Variants in ANO6 observed in about 807,000 individuals in gnomAD.
ANO6 encodes the protein anoctamin 6.
Under a neutral mutation model 117.5 loss-of-function variants are expected in ANO6, and 106 were observed. The ratio of observed to expected loss-of-function variants is 0.90; its 90% CI spans 0.77 to 1.06. The LOEUF is 1.06. Among genes scored for constraint, ANO6 ranks in the 50% least tolerant of loss-of-function variants. The pLI is 0.00. For synonymous variants in ANO6, 367 were observed against 385.1 expected, an observed-to-expected ratio of 0.95 and a Z score of 0.55; for missense variants, 955 against 1,121.1, an observed-to-expected ratio of 0.85 and a Z score of 2.12.
intron 1 of ANO6, among the ~76,000 whole-genome samples, chr12:45,242,074 C>CA (rs1041067065): frequency 2.0e-5 from 3 of 152,208 alleles, no homozygotes; most frequent in Non-Finnish European, 2.9e-5. Context: ...GCTCAGACAC[C>CA]ATGCTGGGAG....
intron 9 of ANO6, among the ~76,000 whole-genome samples, chr12:45,369,404 C>A (rs556981320): frequency 6.6e-6 from 1 of 152,078 alleles, no homozygotes; most frequent in Non-Finnish European, 1.5e-5. Flanking sequence ...GAAGTTCTCT[C>A]GACACTCCCC....
At chr12:45,392,688 C>G (rs1010856555) in intron 12 of ANO6, among the ~76,000 whole-genome samples, 4 of 152,192 alleles carry the variant, frequency 2.6e-5, no homozygotes, top group Admixed American at 6.5e-5. Context: ...GTTCTGCAGC[C>G]TCCGCTGGTG....
At chr12:45,233,156 G>C (rs573656046) in intron 1 of ANO6, among the ~76,000 whole-genome samples, 2 of 152,298 alleles carry the variant, frequency 1.3e-5, no homozygotes, top group South Asian at 4.1e-4. Flanking sequence ...AACCAAGCAC[G>C]TAGGGCATGA....
At position 45,357,308 on chromosome 12, in the gene ANO6, G is replaced by A. The variant is rs775771097; in HGVS notation, c.882G>A (p.Lys294=). 6.2e-7 allele frequency: 1 copy of A among 1,613,914 alleles called. No homozygotes were observed. The highest frequency in any genetic ancestry group is 1.7e-5 in the Admixed American group (1 of 60,032). The part of the protein sequence containing the change: ...LDLIRKYYGE[K]IGIYFAWLGY... ...TCTTCAGGAAATACTATGGAGAGAA[G>A]ATTGGAATCTACTTTGCTTGGCTGG... is the stretch of plus-strand genomic sequence containing the variant. The change falls in exon 8 of 20, where the codon AAG becomes AAA. Residue 294 remains lysine, a synonymous_variant. Transcript: ENST00000320560.
chr12:45,266,700 G>A (rs1020765054), intron 1 of ANO6, among the ~76,000 whole-genome samples: 1 of 152,140 alleles, frequency 6.6e-6, no homozygotes, highest in African/African-American at 2.4e-5. Context: ...GAAAGGCTGA[G>A]GCAGGAGGAT....
At chr12:45,247,012 C>G (rs1017103840) in intron 1 of ANO6, among the ~76,000 whole-genome samples, 1 of 151,670 alleles carries the variant, frequency 6.6e-6, no homozygotes, top group Non-Finnish European at 1.5e-5. Flanking sequence ...GCTCACTGCA[C>G]CCTCCGCCTC....
In ANO6 at chr12:45,376,651, A is replaced by G. The variant is rs552422552; in HGVS notation, c.1105-1402A>G. Among the ~76,000 whole-genome samples the G allele has an allele frequency of 2.8e-4, 41 of 147,228 alleles. No homozygotes were observed. The South Asian group carries it at 7.2e-3, about 26-fold the overall frequency. ...CTCACTCATAGGTAGGAATTGAACA[A>G]TGAGATCACATGGACACAGGAAGGG... On this transcript the variant is annotated intron_variant, in intron 9 of 19. Coordinates refer to ENST00000320560, the MANE Select transcript of ANO6 (RefSeq NM_001025356.3).
chr12:45,360,491 A>G (rs1941527793), intron 8 of ANO6, among the ~76,000 whole-genome samples: 1 of 152,232 alleles, frequency 6.6e-6, no homozygotes, highest in Non-Finnish European at 1.5e-5. Flanking sequence ...CACTGGCAAT[A>G]CCTAAATTGG....
At chr12:45,296,244 G>T (rs904731325) in intron 1 of ANO6, among the ~76,000 whole-genome samples, 3 of 152,180 alleles carry the variant, frequency 2.0e-5, no homozygotes, top group Non-Finnish European at 2.9e-5. Flanking sequence ...TAGATATCGT[G>T]CCCAATCTGG....
rs113294790 is a variant in ANO6 at position 45,253,878 on chromosome 12, A to G, written c.70+37487A>G. Among the ~76,000 whole-genome samples the G allele has an allele frequency of 6.4e-3, 968 of 152,312 alleles. 13 individuals are homozygous for G. Among genetic ancestry groups the G allele is most frequent in the African/African-American group, 0.022 (928 of 41,570 alleles). On this transcript the variant is annotated intron_variant, in intron 1 of 19. Coordinates refer to ENST00000320560, the MANE Select transcript of ANO6 (RefSeq NM_001025356.3). ...ATGTAATAATTCACCATTCATCAGG[A>G]AAGTTCGCCACGGAGTGTGGTGGCT...
chr12:45,373,977 GA>G (rs1941926535), intron 9 of ANO6, among the ~76,000 whole-genome samples: 1 of 152,008 alleles, frequency 6.6e-6, no homozygotes. Context: ...GACTAATAAA[GA>G]GAGAAGAATC....
chr12:45,271,957 G>C (rs992775788), intron 1 of ANO6, among the ~76,000 whole-genome samples: 1 of 152,124 alleles, frequency 6.6e-6, no homozygotes, highest in African/African-American at 2.4e-5. Context: ...TTATTTTTAA[G>C]AGCCTTCATA....
chr12:45,421,301 T>C, intron 18 of ANO6, 28 bp downstream of exon 18: 1 of 1,604,772 alleles, frequency 6.2e-7, no homozygotes, highest in Non-Finnish European at 8.5e-7. Context: ...TGTTTAAAAA[T>C]GCACTTCATC....
At chr12:45,228,160 G>C (rs1191800378) in intron 1 of ANO6, 1 of 295,448 alleles carries the variant, frequency 3.4e-6, no homozygotes, top group African/African-American at 2.9e-5. Flanking sequence ...GTCTCTTTCT[G>C]TTGCCAGGGC....
In ANO6 at chr12:45,317,113, G is replaced by GTGTA; in HGVS notation, c.151-14181_151-14180insGTAT. Among the ~76,000 whole-genome samples, 58 of 66,492 alleles carry GTGTA rather than the reference G, an allele frequency of 8.7e-4. 3 individuals carry two copies. The highest frequency in any genetic ancestry group is 2.0e-3 in the African/African-American group (49 of 24,336). The allele number at this position is 66,492 out of a possible 152,430, so 43.6% of individuals were successfully genotyped here. A position where few individuals can be genotyped will look rare whatever the true frequency, so the allele number is the denominator to read the frequency against. On this transcript the variant is annotated intron_variant, in intron 2 of 19. Coordinates refer to ENST00000320560, the MANE Select transcript of ANO6 (RefSeq NM_001025356.3). ...AAAGACAGCTGGATTCTTTTTATAT[G>GTGTA]TATATATATATATATATATTTATTA... is the stretch of plus-strand genomic sequence containing the variant.
chr12:45,316,360 G>C (rs1240267775), intron 2 of ANO6, among the ~76,000 whole-genome samples: 1 of 152,072 alleles, frequency 6.6e-6, no homozygotes. Flanking sequence ...GGTGTGCTGT[G>C]AGCATATAAG....
chr12:45,335,177 T>C (rs1940789971), intron 3 of ANO6, among the ~76,000 whole-genome samples: 2 of 152,030 alleles, frequency 1.3e-5, no homozygotes, highest in Non-Finnish European at 2.9e-5. Context: ...AAGAATTCTT[T>C]AGTGTATGGC....
intron 15 of ANO6, among the ~76,000 whole-genome samples, chr12:45,404,378 C>T (rs1188890112): frequency 1.3e-5 from 2 of 152,080 alleles, no homozygotes; most frequent in African/African-American, 4.8e-5. Flanking sequence ...TTTCAGGGAG[C>T]TTTTTGTTTG....
At chr12:45,282,366 A>T (rs921635022) in intron 1 of ANO6, among the ~76,000 whole-genome samples, 3 of 152,170 alleles carry the variant, frequency 2.0e-5, no homozygotes, top group African/African-American at 4.8e-5. Flanking sequence ...CAGGGCTTGG[A>T]TGGAGCCCTG....
Sources: gnomAD v4.1 joint callset for allele counts (sites outside exome capture counted in the v4.1 genomes callset) on GRCh38, gnomAD v4.1.1 for gene constraint, MANE v1.5 for transcripts, NCBI Gene and HGNC (gene_info 2026-07-23, HGNC 2026-07-21) for gene names.